The following SPAG16 variants were observed in gnomAD, a reference collection of about 807,000 sequenced individuals.
SPAG16 encodes the protein sperm associated antigen 16.
A neutral mutation model predicts 80.4 loss-of-function variants in SPAG16; 86 were observed. The ratio of observed to expected loss-of-function variants is 1.07; its 90% CI spans 0.90 to 1.28. SPAG16 has a LOEUF of 1.28. SPAG16 is among the 50% of genes most tolerant of loss of function. The pLI is 0.00. For missense variants in SPAG16, 870 were observed against 765.3 expected (o/e 1.14, Z -1.61); for synonymous variants, 294 against 265.9 (o/e 1.11, Z -1.03).
At chr2:213,682,854 A>G (rs1299494086) in intron 10 of SPAG16, among the ~76,000 whole-genome samples, 1 of 152,172 alleles carries the variant, frequency 6.6e-6, no homozygotes, top group African/African-American at 2.4e-5. Flanking sequence ...ATCAAGGGGA[A>G]CTTAAAATTG....
chr2:214,018,353 A>G (rs1049717993), intron 13 of SPAG16, among the ~76,000 whole-genome samples: 1 of 152,106 alleles, frequency 6.6e-6, no homozygotes, highest in Non-Finnish European at 1.5e-5. Flanking sequence ...CACGTGTTAT[A>G]TGTTGTCTGT....
At chr2:213,689,488 G>A (rs148527103) in intron 10 of SPAG16, among the ~76,000 whole-genome samples, 21 of 138,674 alleles carry the variant, frequency 1.5e-4, no homozygotes, top group Admixed American at 8.5e-4. Flanking sequence ...GATCCTTTTG[G>A]ATCTTGATTT....
chr2:214,177,976 T>C (rs1204662515), intron 15 of SPAG16, among the ~76,000 whole-genome samples: 9 of 11,204 alleles, frequency 8.0e-4, no homozygotes, highest in Middle Eastern at 0.12. Context: ...TGTATGTATA[T>C]ATATATATAT....
intron 9 of SPAG16, among the ~76,000 whole-genome samples, chr2:213,400,907 A>G (rs2125336157): frequency 6.6e-6 from 1 of 152,260 alleles, no homozygotes; most frequent in Non-Finnish European, 1.5e-5. Flanking sequence ...CCCAGGGCTC[A>G]GCTGATCCTC....
intron 10 of SPAG16, among the ~76,000 whole-genome samples, chr2:213,641,656 A>G (rs1190208619): frequency 6.6e-6 from 1 of 152,164 alleles, no homozygotes; most frequent in African/African-American, 2.4e-5. Flanking sequence ...TTTGTATTTT[A>G]CTTGGCTCTC....
chr2:213,515,738 A>C (rs1016860731), intron 10 of SPAG16, among the ~76,000 whole-genome samples: 2 of 152,160 alleles, frequency 1.3e-5, no homozygotes, highest in Non-Finnish European at 2.9e-5. Flanking sequence ...CATCAGAACA[A>C]ATATAATGAG....
chr2:213,377,627 A>G (rs903341998), intron 9 of SPAG16, among the ~76,000 whole-genome samples: 6 of 152,088 alleles, frequency 3.9e-5, no homozygotes, highest in African/African-American at 1.4e-4. Flanking sequence ...GGCCGTTCGT[A>G]AATCTTTTCC....
intron 10 of SPAG16, among the ~76,000 whole-genome samples, chr2:213,650,051 C>G (rs1214766479): frequency 6.7e-6 from 1 of 150,206 alleles, no homozygotes; most frequent in Non-Finnish European, 1.5e-5. Flanking sequence ...TATTTGTTCT[C>G]AAGGAGAACT....
chr2:213,868,107 A>C (rs962433050), intron 11 of SPAG16, among the ~76,000 whole-genome samples: 6 of 152,180 alleles, frequency 3.9e-5, no homozygotes, highest in Admixed American at 3.3e-4. Context: ...CATACCCAGT[A>C]AATGATTAAG....
chr2:213,943,597 T>C (rs2079307418), intron 12 of SPAG16, among the ~76,000 whole-genome samples: 2 of 152,130 alleles, frequency 1.3e-5, no homozygotes, highest in South Asian at 4.1e-4. Flanking sequence ...AAGCAATACA[T>C]GTGGATATTT....
At chr2:213,801,658 G>T (rs2071413650) in intron 10 of SPAG16, among the ~76,000 whole-genome samples, 1 of 152,166 alleles carries the variant, frequency 6.6e-6, no homozygotes, top group Admixed American at 6.5e-5. Context: ...GAAAATGGAG[G>T]TTGACAGATG....
chr2:213,741,210 G>A (rs548884678), intron 10 of SPAG16, among the ~76,000 whole-genome samples: 6 of 152,004 alleles, frequency 3.9e-5, no homozygotes, highest in Non-Finnish European at 5.9e-5. Flanking sequence ...CTAGTTAAGC[G>A]CATGTCTACA....
chr2:213,715,569 C>G (rs2066207253), intron 10 of SPAG16, among the ~76,000 whole-genome samples: 1 of 152,096 alleles, frequency 6.6e-6, no homozygotes, highest in South Asian at 2.1e-4. Flanking sequence ...AATATCAGTA[C>G]CTTCCTCATG....
chr2:213,927,216 C>T (rs2078521043), intron 11 of SPAG16, among the ~76,000 whole-genome samples: 1 of 152,188 alleles, frequency 6.6e-6, no homozygotes, highest in African/African-American at 2.4e-5. Context: ...CTCAGAGGCC[C>T]TACCTCCGAA....
chr2:213,544,947 G>T (rs988686645), intron 10 of SPAG16, among the ~76,000 whole-genome samples: 2 of 152,134 alleles, frequency 1.3e-5, no homozygotes, highest in African/African-American at 2.4e-5. Context: ...TTGCTTCCAA[G>T]TGTTGAAAAT....
At chr2:213,641,205 G>A (rs979506528) in intron 10 of SPAG16, among the ~76,000 whole-genome samples, 1 of 152,144 alleles carries the variant, frequency 6.6e-6, no homozygotes, top group Admixed American at 6.5e-5. Context: ...CATACAGGTT[G>A]TCAGGGAAGT....
intron 10 of SPAG16, among the ~76,000 whole-genome samples, chr2:213,724,417 CAATATTT>C (rs2066661744): frequency 6.6e-6 from 1 of 151,968 alleles, no homozygotes; most frequent in African/African-American, 2.4e-5. Context: ...GTGAGGGAGA[CAATATTT>C]AAAATGCTAA....
At chr2:214,407,970 C>A (rs780924419) in intron 15 of SPAG16, among the ~76,000 whole-genome samples, 3 of 150,882 alleles carry the variant, frequency 2.0e-5, no homozygotes, top group African/African-American at 4.9e-5. Flanking sequence ...TTGCAATCTT[C>A]TGAAAATGAA....
intron 13 of SPAG16, among the ~76,000 whole-genome samples, chr2:214,037,010 T>C (rs2048734039): frequency 6.6e-6 from 1 of 152,036 alleles, no homozygotes; most frequent in South Asian, 2.1e-4. Flanking sequence ...CTATATTAAA[T>C]TTCACTTTTA....
Sources: allele counts gnomAD v4.1 joint callset (sites outside exome capture counted in the v4.1 genomes callset), GRCh38; gene constraint gnomAD v4.1.1; transcripts MANE v1.5; gene names NCBI Gene and HGNC (gene_info 2026-07-23, HGNC 2026-07-21).